LACTB: variants seen among roughly 807,000 people sequenced by gnomAD.
LACTB encodes the protein lactamase beta.
Under a neutral mutation model 50.2 loss-of-function variants are expected in LACTB, and 35 were observed. The observed-to-expected ratio is 0.70, with a 90% confidence interval of 0.53 to 0.92. The LOEUF is 0.92. LACTB is among the 40% of genes least tolerant of loss of function. The probability of loss-of-function intolerance (pLI) is 0.00; values close to 1 mark genes in which losing one functional copy is unlikely to be tolerated. For missense variants in LACTB, 664 were observed against 691.8 expected, an observed-to-expected ratio of 0.96 and a Z score of 0.45; for synonymous variants, 252 against 268.2, an observed-to-expected ratio of 0.94 and a Z score of 0.59.
intron 5 of LACTB, among the ~76,000 whole-genome samples, chr15:63,136,716 C>T (rs902320216): frequency 2.0e-5 from 3 of 152,012 alleles, no homozygotes; most frequent in East Asian, 1.9e-4. Flanking sequence ...TTCAAAGATA[C>T]AGGCAAAAAT....
chr15:63,122,260 C>T, intron 1 of LACTB, 32 bp downstream of exon 1: 4 of 1,497,908 alleles, frequency 2.7e-6, no homozygotes. Flanking sequence ...GCGTAGGGGG[C>T]CGGGGATCCA....
At chr15:63,132,942 T>A (rs1042894050) in intron 5 of LACTB, among the ~76,000 whole-genome samples, 11 of 152,320 alleles carry the variant, frequency 7.2e-5, no homozygotes, top group African/African-American at 2.6e-4. Context: ...TACTTTTTAA[T>A]AAGTTTTAAG....
chr15:63,129,912 A>G (rs970439129), intron 5 of LACTB: 1 of 273,662 alleles, frequency 3.7e-6, no homozygotes, highest in Non-Finnish European at 6.6e-6. Flanking sequence ...CACCATGAGC[A>G]TCTGTAATTT....
At chr15:63,129,456 T>C (rs2037099371) in intron 4 of LACTB, 29 bp from the exon 5 acceptor site, 1 of 1,492,544 alleles carries the variant, frequency 6.7e-7, no homozygotes, top group East Asian at 2.4e-5. Flanking sequence ...AGTATTTTAT[T>C]TTTTTCCTCC....
At chr15:63,136,044 T>C (rs1321197493) in intron 5 of LACTB, among the ~76,000 whole-genome samples, 1 of 16,196 alleles carries the variant, frequency 6.2e-5, no homozygotes, top group East Asian at 0.12. Flanking sequence ...TTTCTTTTCT[T>C]TTTTTTTTTT....
At chr15:63,139,192 TCCA>T (rs761874348) in intron 5 of LACTB, among the ~76,000 whole-genome samples, 43,639 of 125,548 alleles carry the variant, frequency 0.35, 8,338 homozygotes, top group Non-Finnish European at 0.43. Context: ...CTACTAAAAA[TCCA>T]AAAAAAAAAA....
intron 5 of LACTB, among the ~76,000 whole-genome samples, chr15:63,132,541 G>A (rs1182703158): frequency 6.6e-6 from 1 of 152,114 alleles, no homozygotes; most frequent in Non-Finnish European, 1.5e-5. Context: ...TTGGGGGCGG[G>A]GCAAGGTGGC....
At chr15:63,125,249 C>A (rs1376116836) in intron 2 of LACTB, among the ~76,000 whole-genome samples, 1 of 151,352 alleles carries the variant, frequency 6.6e-6, no homozygotes, top group Non-Finnish European at 1.5e-5. Flanking sequence ...CTCACCACAA[C>A]CTCCACCTCC....
At chr15:63,126,316 A>G (rs2037053518) in intron 2 of LACTB, among the ~76,000 whole-genome samples, 1 of 152,030 alleles carries the variant, frequency 6.6e-6, no homozygotes. Context: ...CAATTTTTGT[A>G]TTTTTAGTAG....
rs754596627 is a variant in LACTB at position 63,127,375 on chromosome 15, T to C, written c.638T>C (p.Leu213Pro). 1.3e-6 allele frequency: 2 copies of C among 1,572,276 alleles called. No individual in the cohort carries two copies. The highest frequency in any genetic ancestry group is 1.2e-5 in the South Asian group (1 of 83,668). Residue 213 changes from leucine (L) to proline (P), a missense_variant, in exon 4 of 6, where the codon CTG becomes CCG. Coordinates refer to ENST00000261893, the MANE Select transcript of LACTB (RefSeq NM_032857.5). ...TAGGTTTCTGTCACAACAAGATTAC[T>C]GATTTCCCATTTAAGTGGAATTCGT... is the stretch of plus-strand genomic sequence containing the variant. The part of the protein sequence containing the change: ...GEKVSVTTRL[L>P]ISHLSGIRHY...
chr15:63,121,985 C>T lies in LACTB; in HGVS notation c.114C>T (p.His38=), dbSNP rs746960269. The change falls in exon 1 of 6, where the codon CAC becomes CAT. Residue 38 remains histidine, a synonymous_variant. Coordinates refer to ENST00000261893, the MANE Select transcript of LACTB (RefSeq NM_032857.5). ...GCGCCGGGCTGCCGCCTCTCGGCCA[C>T]GGCTGGGTCGGGGGCCTCGGGCTGG... The part of the protein sequence containing the change: ...HQRAGLPPLG[H]GWVGGLGLGL... 7.3e-7 allele frequency: 1 copy of T among 1,369,166 alleles called. No individual in the cohort carries two copies. Among genetic ancestry groups the T allele is most frequent in the Non-Finnish European group, 9.4e-7 (1 of 1,069,298 alleles). The allele number at this position is 1,369,166 out of a possible 1,614,324, so 84.8% of individuals were successfully genotyped here.
At chr15:63,136,798 A>G (rs1442919798) in intron 5 of LACTB, among the ~76,000 whole-genome samples, 7 of 152,122 alleles carry the variant, frequency 4.6e-5, no homozygotes, top group Non-Finnish European at 1.0e-4. Context: ...TTTTGAGGGG[A>G]AAAAAATGTT....
intron 5 of LACTB, 131 bp downstream of exon 5, chr15:63,129,781 G>A (rs1787502877): frequency 1.0e-5 from 13 of 1,244,620 alleles, no homozygotes; most frequent in Non-Finnish European, 1.3e-5. Context: ...CTACATGTCT[G>A]TTTTCTCATC....
intron 5 of LACTB, among the ~76,000 whole-genome samples, chr15:63,134,708 A>G (rs2037160131): frequency 6.6e-6 from 1 of 152,210 alleles, no homozygotes; most frequent in Non-Finnish European, 1.5e-5. Flanking sequence ...TTACTTTATT[A>G]CTAATGAAGA....
At position 63,129,646 on chromosome 15, in the gene LACTB, G is replaced by C; in HGVS notation, c.1114G>C (p.Ala372Pro). Residue 372 changes from alanine (A) to proline (P), a missense_variant, in exon 5 of 6, where the codon GCA becomes CCA. Coordinates refer to ENST00000261893, the MANE Select transcript of LACTB (RefSeq NM_032857.5). ...AAACGAGCCAGTGATTTACAATAGA[G>C]CAAGGTAAATGAATACCTTCTGCTG... The part of the protein sequence containing the change: ...EENEPVIYNR[A>P]RFYVYNKKKR... The C allele has an allele frequency of 6.3e-7, 1 of 1,599,668 alleles. No homozygotes were observed.
In LACTB at chr15:63,127,556, C is replaced by A; in HGVS notation, c.819C>A (p.Ala273=). ...TTAAAACAGAGCAGGAGAATGAAGC[C>A]AAATGCCGGAATTCAAAACCTGGCA... is the stretch of plus-strand genomic sequence containing the variant. ...TKFKTEQENE[A]KCRNSKPGKK... is the part of the protein sequence containing the mutation. Residue 273 remains alanine, a synonymous_variant, in exon 4 of 6, where the codon GCC becomes GCA. Coordinates refer to ENST00000261893, the MANE Select transcript of LACTB (RefSeq NM_032857.5). 1 of 1,613,698 alleles carries A rather than the reference C, an allele frequency of 6.2e-7. No individual in the cohort carries two copies. Among genetic ancestry groups the A allele is most frequent in the South Asian group, 1.1e-5 (1 of 91,036 alleles).
intron 1 of LACTB, 110 bp from the exon 2 acceptor site, chr15:63,122,526 G>GAGGGGGCGGGGCCCAGGCTC (rs371808992): frequency 1.1e-5 from 10 of 881,764 alleles, no homozygotes; most frequent in Admixed American, 1.9e-5. Context: ...GGCCCAGGTG[G>GAGGGGGCGGGGCCCAGGCTC]AGGGGGCGGG....
At chr15:63,129,859 ATAT>A in intron 5 of LACTB, 1 of 512,852 alleles carries the variant, frequency 1.9e-6, no homozygotes, top group Non-Finnish European at 2.9e-6. Flanking sequence ...GATAGCAATA[ATAT>A]TAATAATTCA....
At chr15:63,130,524 A>AC in intron 5 of LACTB, 1 of 148,430 alleles carries the variant, frequency 6.7e-6, no homozygotes, top group Non-Finnish European at 1.5e-5. Context: ...GGAAAAAAAA[A>AC]AAAAAAAAAA....
Sources: gnomAD v4.1 joint callset for allele counts (sites outside exome capture counted in the v4.1 genomes callset) on GRCh38, gnomAD v4.1.1 for gene constraint, MANE v1.5 for transcripts, NCBI Gene and HGNC (gene_info 2026-07-23, HGNC 2026-07-21) for gene names.